STARD13: variants seen among roughly 807,000 people sequenced by gnomAD.
STARD13 encodes the protein StAR related lipid transfer domain containing 13, also known as stAR-related lipid transfer protein 13.
In STARD13, 62 loss-of-function variants were observed where a neutral mutation model predicts 106.4. That is an observed-to-expected ratio of 0.58 (90% CI 0.48 to 0.72). The LOEUF (loss-of-function observed/expected upper bound fraction) is 0.72. Ranked by LOEUF, STARD13 falls within the 30% of genes least tolerant of loss-of-function variation. The pLI is 0.00. For missense variants in STARD13, 1,387 were observed against 1,424.0 expected, an observed-to-expected ratio of 0.97 and a Z score of 0.42; for synonymous variants, 565 against 553.0, an observed-to-expected ratio of 1.02 and a Z score of -0.31.
At chr13:33,509,328 A>G in the STARD13 span, among the ~76,000 whole-genome samples, 1 of 152,176 alleles carries the variant, frequency 6.6e-6, no homozygotes, top group Non-Finnish European at 1.5e-5. Context: ...CCAACAGCAG[A>G]TAACCATTGG....
chr13:33,655,470 A>G, the STARD13 span, among the ~76,000 whole-genome samples: 1 of 152,204 alleles, frequency 6.6e-6, no homozygotes, highest in Non-Finnish European at 1.5e-5. Context: ...GATGCTCTCA[A>G]ATTAATGCAT....
the STARD13 span, among the ~76,000 whole-genome samples, chr13:33,534,176 ACT>A: frequency 6.6e-6 from 1 of 151,984 alleles, no homozygotes; most frequent in Admixed American, 6.6e-5. Flanking sequence ...CTTTTTCTAT[ACT>A]CTCAGATTTC....
At chr13:33,318,254 T>C (rs1333980467) in intron 1 of STARD13, among the ~76,000 whole-genome samples, 1 of 152,232 alleles carries the variant, frequency 6.6e-6, no homozygotes, top group Non-Finnish European at 1.5e-5. Flanking sequence ...ACTCACTCAT[T>C]CTGACTCACA....
At chr13:33,178,164 C>CT (rs1378244756) in intron 1 of STARD13, among the ~76,000 whole-genome samples, 1 of 152,122 alleles carries the variant, frequency 6.6e-6, no homozygotes, top group Non-Finnish European at 1.5e-5. Context: ...AGTATACTAT[C>CT]TATTTTACAT....
At chr13:33,167,330 T>C (rs1277437031) in intron 2 of STARD13, among the ~76,000 whole-genome samples, 1 of 151,908 alleles carries the variant, frequency 6.6e-6, no homozygotes, top group Non-Finnish European at 1.5e-5. Context: ...AGATGGGAAT[T>C]AGTAGTGGGA....
chr13:33,573,147 C>T, the STARD13 span, among the ~76,000 whole-genome samples: 15 of 152,152 alleles, frequency 9.9e-5, no homozygotes, highest in African/African-American at 3.1e-4. Flanking sequence ...GTCTAGACTA[C>T]GGTAGCCCCA....
the STARD13 span, among the ~76,000 whole-genome samples, chr13:33,554,806 A>G: frequency 0.25 from 38,110 of 152,152 alleles, 6,371 homozygotes; most frequent in Non-Finnish European, 0.36. Context: ...TGCAAACTCC[A>G]CAGAGATAAA....
chr13:33,113,494 G>A (rs1363598330), intron 8 of STARD13: 1 of 501,876 alleles, frequency 2.0e-6, no homozygotes, highest in Admixed American at 2.0e-5. Flanking sequence ...TGGGACCTCT[G>A]ACCTCATTCC....
chr13:33,264,373 A>G (rs1369822876), intron 1 of STARD13, among the ~76,000 whole-genome samples: 7 of 152,238 alleles, frequency 4.6e-5, no homozygotes, highest in Admixed American at 3.3e-4. Flanking sequence ...ATGGAGCTCA[A>G]CCACTAATTG....
the STARD13 span, among the ~76,000 whole-genome samples, chr13:33,676,405 T>C: frequency 6.6e-6 from 1 of 152,206 alleles, no homozygotes; most frequent in Non-Finnish European, 1.5e-5. Context: ...GAAAACCCAG[T>C]CTATTCTGGA....
chr13:33,398,771 G>A, the STARD13 span, among the ~76,000 whole-genome samples: 4 of 152,158 alleles, frequency 2.6e-5, no homozygotes, highest in Non-Finnish European at 4.4e-5. Context: ...GTGTTTGTGA[G>A]GATGTACCAC....
At chr13:33,152,572 G>C (rs1290165909) in intron 3 of STARD13, among the ~76,000 whole-genome samples, 1 of 152,172 alleles carries the variant, frequency 6.6e-6, no homozygotes, top group African/African-American at 2.4e-5. Flanking sequence ...CTAATGTACA[G>C]CCTTGTTGCC....
the STARD13 span, among the ~76,000 whole-genome samples, chr13:33,428,248 T>A: frequency 1.3e-5 from 2 of 152,178 alleles, no homozygotes; most frequent in African/African-American, 2.4e-5. Flanking sequence ...AGGGGAAATC[T>A]TCATGTCATT....
the STARD13 span, among the ~76,000 whole-genome samples, chr13:33,616,950 T>C: frequency 2.0e-5 from 3 of 152,152 alleles, no homozygotes; most frequent in African/African-American, 7.2e-5. Context: ...CAAGGGGACT[T>C]GGGTAGGGAG....
chr13:33,443,427 T>G, the STARD13 span, among the ~76,000 whole-genome samples: 9 of 122,174 alleles, frequency 7.4e-5, no homozygotes, highest in Admixed American at 6.5e-4. Context: ...TTAAGTGAAT[T>G]TCATAACAAT....
the STARD13 span, among the ~76,000 whole-genome samples, chr13:33,622,221 C>T: frequency 1.3e-5 from 2 of 152,000 alleles, no homozygotes; most frequent in Admixed American, 6.5e-5. Context: ...ATTTATGGGG[C>T]GAAAATAACC....
At chr13:33,650,937 G>A in the STARD13 span, among the ~76,000 whole-genome samples, 2 of 152,234 alleles carry the variant, frequency 1.3e-5, no homozygotes, top group Non-Finnish European at 2.9e-5. Context: ...GATCTTACTG[G>A]CACCTTGATC....
At chr13:33,342,068 T>G (rs1389534840) in intron 1 of STARD13, among the ~76,000 whole-genome samples, 1 of 152,226 alleles carries the variant, frequency 6.6e-6, no homozygotes, top group African/African-American at 2.4e-5. Flanking sequence ...GTGCTGGGAT[T>G]ACAGGCATAA....
rs897885402 is a variant in STARD13, at chr13:33,105,251, T to C, written c.*342A>G. ...GGAGATATACACACATATGTACATA[T>C]GCTATACATACATTTATTTACAGTT... On this transcript the variant is annotated 3_prime_UTR_variant, in exon 14 of 14. Coordinates refer to ENST00000336934, the MANE Select transcript of STARD13 (RefSeq NM_178006.4). The C allele has an allele frequency of 9.0e-6, 2 of 223,118 alleles. No individual in the cohort carries two copies. Among genetic ancestry groups the C allele is most frequent in the African/African-American group, 4.4e-5 (2 of 45,000 alleles). 13.8% of individuals were successfully genotyped at this position (223,118 alleles called of 1,614,324 possible).
Sources: gnomAD v4.1 joint callset for allele counts (sites outside exome capture counted in the v4.1 genomes callset) on GRCh38, gnomAD v4.1.1 for gene constraint, MANE v1.5 for transcripts, NCBI Gene and HGNC (gene_info 2026-07-23, HGNC 2026-07-21) for gene names.